Variants in RAB2A observed in about 807,000 individuals in gnomAD.
RAB2A encodes RAB2A, member RAS oncogene family, also known as ras-related protein Rab-2A.
In RAB2A, 7 loss-of-function variants were observed where a neutral mutation model predicts 32.5. The observed-to-expected ratio is 0.22, with a 90% CI of 0.12 to 0.40. The LOEUF (loss-of-function observed/expected upper bound fraction) is 0.40. Ranked by LOEUF, RAB2A falls within the 10% of genes least tolerant of loss-of-function variation. RAB2A has a pLI of 1.00. For synonymous variants in RAB2A, 79 were observed against 85.2 expected, an observed-to-expected ratio of 0.93 and a Z score of 0.40; for missense variants, 108 against 260.7, an observed-to-expected ratio of 0.41 and a Z score of 4.03.
chr8:60,545,491 G>T (rs1017763869), intron 1 of RAB2A, among the ~76,000 whole-genome samples: 1 of 152,062 alleles, frequency 6.6e-6, no homozygotes, highest in Non-Finnish European at 1.5e-5. Context: ...TGCCCAGGCT[G>T]GTCACGAACT....
chr8:60,605,481 T>G (rs76969492), intron 6 of RAB2A, among the ~76,000 whole-genome samples: 44 of 152,244 alleles, frequency 2.9e-4, no homozygotes, highest in African/African-American at 1.0e-3. Flanking sequence ...ACCAACAGTT[T>G]GCACCCATCA....
chr8:60,584,853 A>T, intron 5 of RAB2A, 38 bp downstream of exon 5: 1 of 1,422,878 alleles, frequency 7.0e-7, no homozygotes, highest in Non-Finnish European at 9.9e-7. Context: ...TGCATTAGTG[A>T]TGAAGACTGT....
intron 6 of RAB2A, among the ~76,000 whole-genome samples, chr8:60,608,549 TC>T (rs1804280631): frequency 2.1e-5 from 3 of 144,928 alleles, no homozygotes; most frequent in African/African-American, 5.5e-5. Context: ...CTTCTCTCTC[TC>T]CTCTCTCTCC....
intron 2 of RAB2A, among the ~76,000 whole-genome samples, chr8:60,566,039 A>G (rs1223853228): frequency 6.6e-6 from 1 of 152,112 alleles, no homozygotes; most frequent in Non-Finnish European, 1.5e-5. Context: ...TAAAATGTGA[A>G]AGTATTTTCC....
In RAB2A at chr8:60,598,937, C is replaced by CAA. The variant is rs56406651; in HGVS notation, c.474+6996_474+6997dup. Among the ~76,000 whole-genome samples the CAA allele has an allele frequency of 2.7e-3, 110 of 40,380 alleles. 9 individuals carry two copies. Among genetic ancestry groups the CAA allele is most frequent in the East Asian group, 3.4e-3 (4 of 1,182 alleles). The allele number at this position is 40,380 out of a possible 152,430, so 26.5% of individuals were successfully genotyped here. ...GGAAGTTCTAGCCAGTGCAGTAAAG[C>CAA]AAAAAAAAAAAAAAAAAAAAAAAAA... On this transcript the variant is annotated intron_variant, in intron 6 of 7. Transcript: ENST00000262646.
intron 2 of RAB2A, among the ~76,000 whole-genome samples, chr8:60,562,051 C>G (rs1586083931): frequency 6.6e-6 from 1 of 152,302 alleles, no homozygotes; most frequent in Middle Eastern, 3.4e-3. Flanking sequence ...TCCCTGAATA[C>G]TTAGTACTTT....
At chr8:60,549,828 A>G (rs1406850405) in intron 1 of RAB2A, among the ~76,000 whole-genome samples, 2 of 151,862 alleles carry the variant, frequency 1.3e-5, no homozygotes, top group African/African-American at 4.8e-5. Flanking sequence ...CCTTTCTAGA[A>G]GTTGTTTTTT....
intron 1 of RAB2A, among the ~76,000 whole-genome samples, chr8:60,550,679 T>C (rs1419528426): frequency 6.6e-6 from 1 of 152,168 alleles, no homozygotes; most frequent in Non-Finnish European, 1.5e-5. Flanking sequence ...CCACCACACC[T>C]GCCTTCTTTG....
At chr8:60,608,930 ATC>A (rs1804289413) in intron 6 of RAB2A, among the ~76,000 whole-genome samples, 1 of 152,182 alleles carries the variant, frequency 6.6e-6, no homozygotes, top group Non-Finnish European at 1.5e-5. Context: ...CCTATTAAAT[ATC>A]TCTCCAAATT....
chr8:60,557,539 A>C (rs760321840), intron 1 of RAB2A, among the ~76,000 whole-genome samples: 26 of 152,210 alleles, frequency 1.7e-4, no homozygotes, highest in East Asian at 3.9e-4. Flanking sequence ...AACAAACAAA[A>C]AAAGATTTTC....
intron 1 of RAB2A, among the ~76,000 whole-genome samples, chr8:60,536,233 G>A (rs1807554682): frequency 6.6e-6 from 1 of 152,174 alleles, no homozygotes; most frequent in Admixed American, 6.5e-5. Context: ...ATTAACTGAT[G>A]CCTAGTCTAT....
intron 2 of RAB2A, 87 bp from the exon 3 acceptor site, chr8:60,571,959 C>A: frequency 1.1e-6 from 1 of 919,638 alleles, no homozygotes; most frequent in South Asian, 1.6e-5. Flanking sequence ...CATAGCATGT[C>A]TTGGAAGTAA....
intron 2 of RAB2A, among the ~76,000 whole-genome samples, chr8:60,571,467 C>G (rs1808196228): frequency 1.3e-5 from 2 of 152,106 alleles, no homozygotes; most frequent in African/African-American, 4.8e-5. Flanking sequence ...AAATAAAAAG[C>G]AAATTGCAGA....
At chr8:60,598,206 GA>G (rs910755523) in intron 6 of RAB2A, among the ~76,000 whole-genome samples, 31 of 152,010 alleles carry the variant, frequency 2.0e-4, no homozygotes, top group Middle Eastern at 6.8e-3. Context: ...TCACAAAAAA[GA>G]AAAAAATTGA....
At chr8:60,526,806 T>G (rs1373024964) in intron 1 of RAB2A, among the ~76,000 whole-genome samples, 3 of 151,640 alleles carry the variant, frequency 2.0e-5, no homozygotes, top group African/African-American at 7.3e-5. Context: ...CCATCTCTAC[T>G]AAAATACAAA....
In RAB2A at chr8:60,517,050, CT is replaced by C. The variant is rs1345216405; in HGVS notation, c.-156del. On this transcript the variant is annotated 5_prime_UTR_variant, in exon 1 of 8. Coordinates refer to ENST00000262646, the MANE Select transcript of RAB2A (RefSeq NM_002865.3). ...GCTCTGCGGGTGTCAGTTCGTCCGG[CT>C]TCCTCACAGCCCCTCACTCCCGGCG... 2 of 645,578 alleles carry C rather than the reference CT, an allele frequency of 3.1e-6. No individual in the cohort carries two copies. Among genetic ancestry groups the C allele is most frequent in the Non-Finnish European group, 4.9e-6 (2 of 411,346 alleles). The allele number at this position is 645,578 out of a possible 1,614,324, so 40.0% of individuals were successfully genotyped here.
intron 5 of RAB2A, among the ~76,000 whole-genome samples, chr8:60,588,362 A>G (rs938206213): frequency 1.3e-4 from 20 of 152,334 alleles, no homozygotes; most frequent in Admixed American, 4.6e-4. Flanking sequence ...ATATGTCTTC[A>G]TGTGTCCACA....
At chr8:60,529,564 G>T (rs1271037572) in intron 1 of RAB2A, among the ~76,000 whole-genome samples, 1 of 151,998 alleles carries the variant, frequency 6.6e-6, no homozygotes, top group Non-Finnish European at 1.5e-5. Context: ...ATGGTTTTTT[G>T]AATTCAGGTA....
rs773703547 is a variant in RAB2A, at chr8:60,584,201, G to A, written c.187-7G>A. 4.5e-5 allele frequency: 71 copies of A among 1,586,154 alleles called. No homozygotes were observed. Among genetic ancestry groups the A allele is most frequent in the Middle Eastern group, 1.7e-4 (1 of 5,996 alleles). The stretch of plus-strand genomic sequence containing the variant: ...AGGAAACTCTCCAACCTTTTTTTTC[G>A]TTACAGGCAGGGCAAGAATCCTTTC... On this transcript the variant is annotated splice_region_variant and splice_polypyrimidine_tract_variant and intron_variant, in intron 3 of 7. Transcript: ENST00000262646.
Sources: allele counts gnomAD v4.1 joint callset (sites outside exome capture counted in the v4.1 genomes callset), GRCh38; gene constraint gnomAD v4.1.1; transcripts MANE v1.5; gene names NCBI Gene and HGNC (gene_info 2026-07-23, HGNC 2026-07-21).